The following LDAH variants were observed in gnomAD, a reference collection of about 807,000 sequenced individuals.
The protein encoded by LDAH is lipid droplet-associated hydrolase.
LDAH carries 26 observed loss-of-function variants against 29.6 expected under a neutral mutation model. The ratio of observed to expected loss-of-function variants is 0.88; its 90% CI spans 0.64 to 1.22. LDAH has a LOEUF of 1.22. Among genes scored for constraint, LDAH ranks in the 50% most tolerant of loss-of-function variants. The probability of loss-of-function intolerance (pLI) is 0.00; values close to 1 mark genes in which losing one functional copy is unlikely to be tolerated. For missense variants in LDAH, 344 were observed against 387.3 expected (o/e 0.89, Z 0.94); for synonymous variants, 117 against 133.0 (o/e 0.88, Z 0.83).
intron 2 of LDAH, among the ~76,000 whole-genome samples, chr2:20,797,874 G>C (rs1179794046): frequency 6.6e-6 from 1 of 152,150 alleles, no homozygotes; most frequent in Non-Finnish European, 1.5e-5. Context: ...TGAGTTTCTG[G>C]CTTAAAAGGG....
intron 4 of LDAH, among the ~76,000 whole-genome samples, chr2:20,770,674 G>A (rs908425903): frequency 4.0e-5 from 6 of 151,546 alleles, no homozygotes; most frequent in Non-Finnish European, 8.8e-5. Flanking sequence ...CCTACTCTTG[G>A]AGCACCAACA....
Position 20,684,787 on chromosome 2 carries a change from G to C in LDAH, c.*2116C>G. Reference sequence around the variant, plus strand: ...TGCAGGAAGTTAAAACTTTCACAAAGACCATCCATGTGGTTGACTGGGACA... The same window carrying C: ...TGCAGGAAGTTAAAACTTTCACAAACACCATCCATGTGGTTGACTGGGACA... On this transcript the variant is annotated 3_prime_UTR_variant, in exon 7 of 7. Coordinates refer to ENST00000237822, the MANE Select transcript of LDAH (RefSeq NM_021925.4). 1 of 1,380,356 alleles carries C rather than the reference G, an allele frequency of 7.2e-7. No individual in the cohort carries two copies. The highest frequency in any genetic ancestry group is 1.4e-5 in the South Asian group (1 of 69,496). 85.5% of individuals were successfully genotyped at this position (1,380,356 alleles called of 1,614,324 possible). A position where few individuals can be genotyped will look rare whatever the true frequency, so the allele number is the denominator to read the frequency against.
intron 4 of LDAH, among the ~76,000 whole-genome samples, chr2:20,772,213 A>G (rs1458915059): frequency 6.6e-6 from 1 of 152,222 alleles, no homozygotes; most frequent in African/African-American, 2.4e-5. Flanking sequence ...AAAAACCAAA[A>G]CAGATCTGTG....
At chr2:20,745,130 T>C (rs1280970930) in intron 4 of LDAH, among the ~76,000 whole-genome samples, 5 of 152,326 alleles carry the variant, frequency 3.3e-5, no homozygotes, top group Middle Eastern at 3.4e-3. Context: ...ATATGTCTTT[T>C]GGTGCATGTA....
intron 2 of LDAH, among the ~76,000 whole-genome samples, chr2:20,794,431 A>G (rs1293650067): frequency 1.3e-5 from 2 of 152,094 alleles, no homozygotes; most frequent in Non-Finnish European, 2.9e-5. Context: ...ACATAAAGAC[A>G]TTGCAAAAAG....
chr2:20,688,304 A>G (rs951525268), intron 6 of LDAH, among the ~76,000 whole-genome samples: 96 of 152,192 alleles, frequency 6.3e-4, no homozygotes, highest in African/African-American at 2.2e-3. Flanking sequence ...AAAGCTTGAA[A>G]GAGCATGGCA....
intron 6 of LDAH, among the ~76,000 whole-genome samples, chr2:20,693,843 G>A (rs1008030691): frequency 2.0e-5 from 3 of 152,256 alleles, no homozygotes; most frequent in African/African-American, 7.2e-5. Flanking sequence ...ATCAACAGCT[G>A]TAGCTCCCTG....
At chr2:20,683,868 A>T (rs1425609605), downstream of LDAH, 1 of 147,066 alleles carries the variant, frequency 6.8e-6, no homozygotes, top group Non-Finnish European at 1.5e-5. Flanking sequence ...TAAAAAAAAA[A>T]TGAGGAGCTG....
intron 5 of LDAH, among the ~76,000 whole-genome samples, chr2:20,726,559 G>T (rs563932426): frequency 6.6e-6 from 1 of 152,138 alleles, no homozygotes. Context: ...CTTCTTCCAA[G>T]GGAAAATTCT....
chr2:20,738,027 G>A (rs1666914812), intron 5 of LDAH, among the ~76,000 whole-genome samples: 1 of 152,016 alleles, frequency 6.6e-6, no homozygotes, highest in Non-Finnish European at 1.5e-5. Context: ...GCTGAGGCGG[G>A]CGGATCACGA....
intron 5 of LDAH, among the ~76,000 whole-genome samples, chr2:20,733,848 G>T (rs1558423931): frequency 6.6e-6 from 1 of 152,136 alleles, no homozygotes; most frequent in South Asian, 2.1e-4. Context: ...ATTACATGTA[G>T]TATTATTTGA....
chr2:20,700,490 T>C (rs1663847264), intron 6 of LDAH, among the ~76,000 whole-genome samples: 1 of 152,284 alleles, frequency 6.6e-6, no homozygotes, highest in East Asian at 1.9e-4. Context: ...TTAAGTCAAA[T>C]GTATCAAGGT....
chr2:20,774,705 T>C (rs1669670225), intron 4 of LDAH, 105 bp downstream of exon 4: 2 of 1,134,856 alleles, frequency 1.8e-6, no homozygotes, highest in East Asian at 2.4e-5. Flanking sequence ...CTCTCTCTGT[T>C]CTATTTATCA....
At chr2:20,696,449 C>T (rs1422759196) in intron 6 of LDAH, among the ~76,000 whole-genome samples, 1 of 152,230 alleles carries the variant, frequency 6.6e-6, no homozygotes, top group Non-Finnish European at 1.5e-5. Flanking sequence ...CCCCCTACCA[C>T]TGCCTAACTT....
At chr2:20,775,918 A>G (rs1669791838) in intron 3 of LDAH, among the ~76,000 whole-genome samples, 1 of 152,194 alleles carries the variant, frequency 6.6e-6, no homozygotes, top group Non-Finnish European at 1.5e-5. Context: ...ACTAGTACAC[A>G]GCAAATGTTA....
intron 4 of LDAH, among the ~76,000 whole-genome samples, chr2:20,761,677 C>T (rs1191074389): frequency 1.3e-5 from 2 of 152,008 alleles, no homozygotes; most frequent in East Asian, 3.9e-4. Flanking sequence ...TAATTTATAC[C>T]TACTGGGTAC....
chr2:20,738,617 T>C (rs1389375179), intron 5 of LDAH, among the ~76,000 whole-genome samples: 4 of 152,148 alleles, frequency 2.6e-5, no homozygotes, highest in Admixed American at 6.6e-5. Flanking sequence ...AAATGGTCTT[T>C]AAGGGATATT....
intron 5 of LDAH, among the ~76,000 whole-genome samples, chr2:20,710,708 C>T (rs1428180696): frequency 2.1e-5 from 3 of 145,330 alleles, no homozygotes; most frequent in Admixed American, 1.4e-4. Context: ...CATATATACA[C>T]ATATATTATA....
At chr2:20,717,188 T>C (rs1369853622) in intron 5 of LDAH, among the ~76,000 whole-genome samples, 1 of 152,196 alleles carries the variant, frequency 6.6e-6, no homozygotes, top group Non-Finnish European at 1.5e-5. Context: ...TTCATAACTT[T>C]GGGGTAGGAA....
Sources: gnomAD v4.1 joint callset for allele counts (sites outside exome capture counted in the v4.1 genomes callset) on GRCh38, gnomAD v4.1.1 for gene constraint, MANE v1.5 for transcripts, NCBI Gene and HGNC (gene_info 2026-07-23, HGNC 2026-07-21) for gene names.